CDKAL1: variants seen among roughly 807,000 people sequenced by gnomAD.
The protein encoded by CDKAL1 is threonylcarbamoyladenosine tRNA methylthiotransferase.
Under a neutral mutation model 68.2 loss-of-function variants are expected in CDKAL1, and 32 were observed. That is an observed-to-expected ratio of 0.47 (90% CI 0.35 to 0.63). CDKAL1 has a LOEUF of 0.63. CDKAL1 is among the 30% of genes least tolerant of loss of function. CDKAL1 has a pLI of 0.00. For synonymous variants in CDKAL1, 234 were observed against 244.3 expected (o/e 0.96, Z 0.39); for missense variants, 606 against 696.7 (o/e 0.87, Z 1.47).
chr6:20,675,848 C>T (rs562819771), intron 5 of CDKAL1, among the ~76,000 whole-genome samples: 1 of 151,812 alleles, frequency 6.6e-6, no homozygotes, highest in South Asian at 2.1e-4. Flanking sequence ...GGAGGGATTC[C>T]AGAGGAAGTC....
chr6:21,120,959 G>A (rs74320995), intron 13 of CDKAL1, among the ~76,000 whole-genome samples: 1,606 of 152,218 alleles, frequency 0.011, 24 homozygotes, highest in Admixed American at 0.028. Context: ...ACTGTCACCT[G>A]TAGGATAAAT....
At chr6:20,777,483 C>T (rs745760968) in intron 7 of CDKAL1, among the ~76,000 whole-genome samples, 3 of 152,106 alleles carry the variant, frequency 2.0e-5, no homozygotes, top group African/African-American at 4.8e-5. Flanking sequence ...GACGTGGTGG[C>T]GCACACCTAT....
intron 5 of CDKAL1, among the ~76,000 whole-genome samples, chr6:20,665,951 C>A (rs1769521965): frequency 1.7e-5 from 1 of 57,586 alleles, no homozygotes; most frequent in Non-Finnish European, 3.1e-5. Flanking sequence ...GCAGTTGCAC[C>A]CCCCCAATTA....
chr6:20,896,048 G>C (rs1175624429), intron 9 of CDKAL1, among the ~76,000 whole-genome samples: 1 of 151,242 alleles, frequency 6.6e-6, no homozygotes, highest in Non-Finnish European at 1.5e-5. Context: ...TAAAATTGAA[G>C]AGATTGGGAT....
intron 13 of CDKAL1, among the ~76,000 whole-genome samples, chr6:21,190,958 GA>G (rs931831142): frequency 4.0e-5 from 6 of 151,846 alleles, no homozygotes; most frequent in Non-Finnish European, 1.5e-5. Context: ...AAAGTAAGAA[GA>G]AAAAAAAGTT....
At chr6:21,116,200 A>G (rs1241795936) in intron 13 of CDKAL1, among the ~76,000 whole-genome samples, 2 of 152,142 alleles carry the variant, frequency 1.3e-5, no homozygotes, top group Non-Finnish European at 2.9e-5. Flanking sequence ...TTCTTACTGT[A>G]ACTGCAGAGA....
rs556536247 is a variant in CDKAL1, at chr6:20,988,632, G to T, written c.910-11595G>T. ...GGAAAAGAGACTGAGAGAATCACTG[G>T]TTTTTTTGTTTCTATTTTTATTTAT... On this transcript the variant is annotated intron_variant, in intron 10 of 15. Coordinates refer to ENST00000274695, the MANE Select transcript of CDKAL1 (RefSeq NM_017774.3). Among the ~76,000 whole-genome samples the T allele has an allele frequency of 1.3e-3, 190 of 151,716 alleles. 1 individual carries two copies. In the Middle Eastern group the frequency reaches 0.014, roughly 11 times the overall value.
intron 13 of CDKAL1, among the ~76,000 whole-genome samples, chr6:21,134,959 G>T (rs575954488): frequency 7.1e-6 from 1 of 140,730 alleles, no homozygotes; most frequent in South Asian, 2.5e-4. Flanking sequence ...TCTATTAAGT[G>T]ATTTTTTTAA....
intron 11 of CDKAL1, among the ~76,000 whole-genome samples, chr6:21,005,566 T>A (rs1338935732): frequency 6.6e-6 from 1 of 152,214 alleles, no homozygotes; most frequent in Non-Finnish European, 1.5e-5. Flanking sequence ...GTAAATACAA[T>A]TTGAATGAAT....
chr6:20,717,490 A>G (rs1772154154), intron 5 of CDKAL1, among the ~76,000 whole-genome samples: 1 of 151,892 alleles, frequency 6.6e-6, no homozygotes, highest in Non-Finnish European at 1.5e-5. Context: ...TAATATGTTG[A>G]TACAGAACAG....
chr6:20,747,028 C>T (rs530820935), intron 6 of CDKAL1, among the ~76,000 whole-genome samples: 1 of 152,234 alleles, frequency 6.6e-6, no homozygotes, highest in East Asian at 1.9e-4. Context: ...CCCCAGGCTA[C>T]TCCCTGTTTC....
chr6:20,878,002 C>T (rs777525923), intron 9 of CDKAL1, among the ~76,000 whole-genome samples: 1 of 152,156 alleles, frequency 6.6e-6, no homozygotes, highest in Non-Finnish European at 1.5e-5. Context: ...CTATTTCTTT[C>T]GTTCAGGATG....
intron 5 of CDKAL1, among the ~76,000 whole-genome samples, chr6:20,681,036 C>T (rs148598542): frequency 1.2e-3 from 181 of 152,276 alleles, no homozygotes; most frequent in African/African-American, 4.2e-3. Flanking sequence ...ACAATGAAAA[C>T]ACAGATGAGG....
intron 11 of CDKAL1, among the ~76,000 whole-genome samples, chr6:21,027,963 G>T (rs576321159): frequency 6.6e-6 from 1 of 152,162 alleles, no homozygotes; most frequent in Non-Finnish European, 1.5e-5. Context: ...CACTTGGCCC[G>T]TGGTGCTAAG....
At chr6:21,120,494 T>C (rs1385092627) in intron 13 of CDKAL1, among the ~76,000 whole-genome samples, 1 of 152,212 alleles carries the variant, frequency 6.6e-6, no homozygotes, top group Non-Finnish European at 1.5e-5. Context: ...AAGTAATACA[T>C]GCACTTAATA....
At chr6:21,220,238 T>C (rs1318030937) in intron 15 of CDKAL1, among the ~76,000 whole-genome samples, 2 of 152,162 alleles carry the variant, frequency 1.3e-5, no homozygotes, top group Non-Finnish European at 2.9e-5. Flanking sequence ...ACATGTGCAC[T>C]TGTCCATATA....
At chr6:20,692,007 T>C (rs1770892907) in intron 5 of CDKAL1, among the ~76,000 whole-genome samples, 1 of 152,120 alleles carries the variant, frequency 6.6e-6, no homozygotes, top group Non-Finnish European at 1.5e-5. Flanking sequence ...GTTTTCGCAG[T>C]GTGCAGTTTA....
chr6:20,768,721 C>T (rs149470472), intron 7 of CDKAL1, among the ~76,000 whole-genome samples: 18 of 152,158 alleles, frequency 1.2e-4, no homozygotes, highest in Non-Finnish European at 2.5e-4. Context: ...CATTTCCACC[C>T]GGGAGCATGT....
At chr6:20,810,951 G>A (rs1008319975) in intron 8 of CDKAL1, among the ~76,000 whole-genome samples, 10 of 152,140 alleles carry the variant, frequency 6.6e-5, no homozygotes, top group Admixed American at 1.3e-4. Context: ...CCACAGCTCT[G>A]GTTCTTTGTC....
Sources: allele counts gnomAD v4.1 joint callset (sites outside exome capture counted in the v4.1 genomes callset), GRCh38; gene constraint gnomAD v4.1.1; transcripts MANE v1.5; gene names NCBI Gene and HGNC (gene_info 2026-07-23, HGNC 2026-07-21).